Variants in HSPB7 observed in about 807,000 individuals in gnomAD.
HSPB7 encodes heat shock protein family B (small) member 7, also known as heat shock protein beta-7.
Under a neutral mutation model 11.0 loss-of-function variants are expected in HSPB7, and 9 were observed. That is an observed-to-expected ratio of 0.82 (90% CI 0.49 to 1.43). The LOEUF (loss-of-function observed/expected upper bound fraction) is 1.43, where lower values mean the gene tolerates loss of function less well. Among genes scored for constraint, HSPB7 ranks in the 40% most tolerant of loss-of-function variants. The pLI is 0.00. For synonymous variants in HSPB7, 102 were observed against 101.6 expected (o/e 1.00, Z -0.02); for missense variants, 246 against 243.9 (o/e 1.01, Z -0.06).
Position 16,015,832 on chromosome 1 carries a change from C to G in HSPB7, c.334-73G>C, listed in dbSNP as rs2021679557. 1 of 1,387,742 alleles carries G rather than the reference C, an allele frequency of 7.2e-7. No homozygotes were observed. Among genetic ancestry groups the G allele is most frequent in the Admixed American group, 2.1e-5 (1 of 47,890 alleles). 86.0% of individuals were successfully genotyped at this position (1,387,742 alleles called of 1,614,324 possible). On this transcript the variant is annotated intron_variant, in intron 2 of 2. Transcript: ENST00000311890. This position sits in a 1 kb window ranked among gnomAD's most constrained non-coding sequence, Gnocchi z 4.9. ...GCTTGTGACAAGCCAGAGCCCTCTT[C>G]TCCCCATTCTAACCCCAGCCAGACC...
rs186865506 is a variant in HSPB7, at chr1:16,014,274, A to C, written c.*1306T>G. ...GACGAAACCAAGAGTCATTGGGGGC[A>C]GCAGGCATTTCCCAGGGTTAAGGCT... On this transcript the variant is annotated 3_prime_UTR_variant, in exon 3 of 3. Coordinates refer to ENST00000311890, the MANE Select transcript of HSPB7 (RefSeq NM_014424.5). 4 of 152,370 alleles carry C rather than the reference A, an allele frequency of 2.6e-5. No homozygotes were observed. In the East Asian group the frequency reaches 7.7e-4, roughly 29 times the overall value. The allele number at this position is 152,370 out of a possible 1,614,324, so 9.4% of individuals were successfully genotyped here.
chr1:16,018,186 C>G (rs1324496448), upstream of HSPB7: 3 of 1,519,754 alleles, frequency 2.0e-6, no homozygotes, highest in African/African-American at 4.2e-5. Context: ...CTGCTGACAG[C>G]CCGACACGCA....
chr1:16,018,255 G>C (rs1339465798), upstream of HSPB7: 1 of 1,421,188 alleles, frequency 7.0e-7, no homozygotes, highest in African/African-American at 1.4e-5. Context: ...AGCCCCAGGG[G>C]CCTCCTCACC....
intron 1 of HSPB7, 60 bp from the exon 2 acceptor site, chr1:16,017,267 T>C (rs1311216785): frequency 6.3e-7 from 1 of 1,579,004 alleles, no homozygotes; most frequent in Non-Finnish European, 8.6e-7. Context: ...GATCCGGGGG[T>C]TCTGGCTCCT....
At position 16,015,263 on chromosome 1, in the gene HSPB7, A is replaced by T; in HGVS notation, c.*317T>A. ...TCTGTCTGTCCTGCAGAGCTTGCCC[A>T]TATGTCCTGCTGGTCCCATTCCCCT... On this transcript the variant is annotated 3_prime_UTR_variant, in exon 3 of 3. Transcript: ENST00000311890. This position sits in a 1 kb window ranked among gnomAD's most constrained non-coding sequence, Gnocchi z 4.9. 3.1e-6 allele frequency: 1 copy of T among 326,772 alleles called. No homozygotes were observed. Among genetic ancestry groups the T allele is most frequent in the South Asian group, 3.5e-5 (1 of 28,778 alleles). The allele number at this position is 326,772 out of a possible 1,614,324, so 20.2% of individuals were successfully genotyped here.
Position 16,015,857 on chromosome 1 carries a change from C to G in HSPB7, c.334-98G>C. 1 of 1,152,134 alleles carries G rather than the reference C, an allele frequency of 8.7e-7. No individual in the cohort carries two copies. Among genetic ancestry groups the G allele is most frequent in the Admixed American group, 2.5e-5 (1 of 39,512 alleles). The allele number at this position is 1,152,134 out of a possible 1,614,324, so 71.4% of individuals were successfully genotyped here. On this transcript the variant is annotated intron_variant, in intron 2 of 2. Transcript: ENST00000311890. The surrounding 1 kb of genome is among the most constrained non-coding windows in gnomAD (Gnocchi z 4.9). ...CTCCCCATTCTAACCCCAGCCAGAC[C>G]CCACATGCCGAGGGGCTCTGCCCTC... is the stretch of plus-strand genomic sequence containing the variant.
chr1:16,017,234 G>T, intron 1 of HSPB7, 27 bp from the exon 2 acceptor site: 1 of 1,607,908 alleles, frequency 6.2e-7, no homozygotes, highest in Non-Finnish European at 8.5e-7. Flanking sequence ...TGTGAGCGAG[G>T]CATGGAGCAG....
chr1:16,018,583 T>G (rs2021938429), upstream of HSPB7: 1 of 1,049,538 alleles, frequency 9.5e-7, no homozygotes, highest in Non-Finnish European at 1.1e-6. Flanking sequence ...AATGTGCAGC[T>G]GTCCCCTGCC....
Position 16,017,051 on chromosome 1 carries a change from T to A in HSPB7, c.333+23A>T, listed in dbSNP as rs199825788. On this transcript the variant is annotated intron_variant, in intron 2 of 2. Coordinates refer to ENST00000311890, the MANE Select transcript of HSPB7 (RefSeq NM_014424.5). The stretch of plus-strand genomic sequence containing the variant: ...GGCAGGAGCAGAATTTGGGATGCGG[T>A]GAGTAGGGGGTGGGGGGCTCACCTT... 3.2e-5 allele frequency: 51 copies of A among 1,594,558 alleles called. No individual in the cohort carries two copies. The African/African-American group carries it at 6.2e-4, about 19-fold the overall frequency.
chr1:16,014,417 A>G lies in HSPB7; in HGVS notation c.*1163T>C, dbSNP rs993080351. The G allele has an allele frequency of 2.6e-5, 4 of 152,168 alleles. No individual in the cohort carries two copies. The highest frequency in any genetic ancestry group is 2.1e-4 in the South Asian group (1 of 4,830). The allele number at this position is 152,168 out of a possible 1,614,324, so 9.4% of individuals were successfully genotyped here. Reference sequence around the variant, plus strand: ...CCTTAGAGAGGTAGAATGAGGGGAAATACTCCTCAGTGCCCAGAGGTGGGG... The same window carrying G: ...CCTTAGAGAGGTAGAATGAGGGGAAGTACTCCTCAGTGCCCAGAGGTGGGG... On this transcript the variant is annotated 3_prime_UTR_variant, in exon 3 of 3. Transcript: ENST00000311890.
chr1:16,017,877 CGAGGAGGAGGTGGAA>C lies in HSPB7; in HGVS notation c.72_86del (p.Ser25_Ser29del). The C allele has an allele frequency of 6.2e-7, 1 of 1,613,814 alleles. No homozygotes were observed. The highest frequency in any genetic ancestry group is 8.5e-7 in the Non-Finnish European group (1 of 1,179,832). ...CCTGGGCCGGGAGAGCACGGGAGGC[CGAGGAGGAGGTGGAA>C]GAGGAGGAGGAAGAGGAAGAGGAAT... is the stretch of plus-strand genomic sequence containing the variant. On this transcript the variant is annotated inframe_deletion, in exon 1 of 3. Coordinates refer to ENST00000311890, the MANE Select transcript of HSPB7 (RefSeq NM_014424.5).
chr1:16,016,309 G>A (rs1434331188), intron 2 of HSPB7, among the ~76,000 whole-genome samples: 1 of 152,196 alleles, frequency 6.6e-6, no homozygotes, highest in African/African-American at 2.4e-5. Context: ...CTTGAATGTG[G>A]AGGGGAAGAA....
In HSPB7 at chr1:16,017,999, G is replaced by A. The variant is rs1572381; in HGVS notation, c.-36C>T. ...CGCCGGGCCCTGCCCAGGCGGGCGA[G>A]GGCTGGACAGGAGAGGGTGTGGGCG... On this transcript the variant is annotated 5_prime_UTR_variant, in exon 1 of 3. Transcript: ENST00000311890. 953,271 of 1,611,614 alleles carry A rather than the reference G, an allele frequency of 0.59. 284,164 individuals carry two copies. Among genetic ancestry groups the A allele is most frequent in the East Asian group, 0.73 (32,901 of 44,828 alleles).
At chr1:16,017,691 G>A (rs368869058) in intron 1 of HSPB7, 74 bp downstream of exon 1, 10 of 1,291,888 alleles carry the variant, frequency 7.7e-6, no homozygotes, top group African/African-American at 4.6e-5. Context: ...CAGCCACAGC[G>A]CCTTCGGTGG....
chr1:16,015,387 T>C lies in HSPB7; in HGVS notation c.*193A>G, dbSNP rs558093371. On this transcript the variant is annotated 3_prime_UTR_variant, in exon 3 of 3. Transcript: ENST00000311890. The surrounding 1 kb of genome is among the most constrained non-coding windows in gnomAD (Gnocchi z 4.9). The stretch of plus-strand genomic sequence containing the variant: ...AAATCTGAAATCTGGGCATCATGTG[T>C]CAGGCCAGGGAGTCCCTGGCCTGCC... The C allele has an allele frequency of 1.1e-5, 6 of 570,532 alleles. No individual in the cohort carries two copies. In the South Asian group the frequency reaches 1.1e-4, roughly 10 times the overall value. The allele number at this position is 570,532 out of a possible 1,614,324, so 35.3% of individuals were successfully genotyped here.
Position 16,017,798 on chromosome 1 carries a change from T to G in HSPB7, c.166A>C (p.Met56Leu). 2 of 1,612,186 alleles carry G rather than the reference T, an allele frequency of 1.2e-6. No individual in the cohort carries two copies. Among genetic ancestry groups the G allele is most frequent in the Non-Finnish European group, 8.5e-7 (1 of 1,179,236 alleles). Residue 56 changes from methionine to leucine, a missense_variant, in exon 1 of 3, where the codon ATG (methionine) becomes CTG (leucine). Met to Leu is a conservative substitution (Grantham distance 15). Transcript: ENST00000311890. Reference protein sequence around the residue: ...SMFSDDFGSFMRPHSEPLAFP... With the variant: ...SMFSDDFGSFLRPHSEPLAFP... Reference sequence around the variant, plus strand: ...GCCAGGGGCTCCGAGTGGGGCCGCATGAAGCTGCCAAAGTCATCGGAAAAC... The same window carrying G: ...GCCAGGGGCTCCGAGTGGGGCCGCAGGAAGCTGCCAAAGTCATCGGAAAAC...
At chr1:16,018,599 C>G, upstream of HSPB7, 3 of 1,042,886 alleles carry the variant, frequency 2.9e-6, no homozygotes, top group Non-Finnish European at 3.5e-6. Context: ...CTGCCAGCCC[C>G]CATGGGGACC....
Position 16,015,819 on chromosome 1 carries a change from C to T in HSPB7, c.334-60G>A, listed in dbSNP as rs868049004. The T allele has an allele frequency of 7.5e-5, 109 of 1,454,032 alleles. 2 individuals carry two copies. In the Middle Eastern group the frequency reaches 7.1e-3, roughly 94 times the overall value. 90.1% of individuals were successfully genotyped at this position (1,454,032 alleles called of 1,614,324 possible). A position where few individuals can be genotyped will look rare whatever the true frequency, so the allele number is the denominator to read the frequency against. On this transcript the variant is annotated intron_variant, in intron 2 of 2. Transcript: ENST00000311890. The surrounding 1 kb of genome is among the most constrained non-coding windows in gnomAD (Gnocchi z 4.9). Reference sequence around the variant, plus strand: ...CGACCCCTGTCCTGCTTGTGACAAGCCAGAGCCCTCTTCTCCCCATTCTAA... The same window carrying T: ...CGACCCCTGTCCTGCTTGTGACAAGTCAGAGCCCTCTTCTCCCCATTCTAA...
At chr1:16,016,502 G>T (rs1203608168) in intron 2 of HSPB7, among the ~76,000 whole-genome samples, 2 of 152,232 alleles carry the variant, frequency 1.3e-5, no homozygotes, top group Admixed American at 6.5e-5. Context: ...CCTGAGACCT[G>T]TGGGCGGGCG....
Sources: allele counts gnomAD v4.1 joint callset (sites outside exome capture counted in the v4.1 genomes callset), GRCh38; gene constraint gnomAD v4.1.1; non-coding constraint Gnocchi (gnomAD v3.1); transcripts MANE v1.5; gene names NCBI Gene and HGNC (gene_info 2026-07-23, HGNC 2026-07-21).